SND1: variants seen among roughly 807,000 people sequenced by gnomAD.
SND1 encodes staphylococcal nuclease domain-containing protein 1.
In SND1, 38 loss-of-function variants were observed where a neutral mutation model predicts 121.7. The observed-to-expected ratio is 0.31, with a 90% CI of 0.24 to 0.41. The LOEUF is 0.41. Ranked by LOEUF, SND1 falls within the 10% of genes least tolerant of loss-of-function variation. The pLI, the probability that SND1 is intolerant of heterozygous loss-of-function variation, is 1.00. For missense variants in SND1, 868 were observed against 1,184.6 expected, an observed-to-expected ratio of 0.73 and a Z score of 3.92; for synonymous variants, 401 against 447.4, an observed-to-expected ratio of 0.90 and a Z score of 1.31.
At chr7:128,062,118 T>G (rs900866849) in intron 16 of SND1, among the ~76,000 whole-genome samples, 2 of 152,276 alleles carry the variant, frequency 1.3e-5, no homozygotes, top group Admixed American at 6.5e-5. Flanking sequence ...GACTTTTTTA[T>G]TCTGTGTCCG....
chr7:127,904,607 A>G, intron 13 of SND1, 140 bp from the exon 14 acceptor site: 2 of 577,710 alleles, frequency 3.5e-6, no homozygotes, highest in South Asian at 4.3e-5. Context: ...CAGACTGGCT[A>G]CTCAGCAGTG....
chr7:127,758,401 G>A (rs898302332), intron 10 of SND1, among the ~76,000 whole-genome samples: 1 of 152,170 alleles, frequency 6.6e-6, no homozygotes, highest in Admixed American at 6.5e-5. Flanking sequence ...AAGCGTATCT[G>A]TAGAAAGTCA....
At chr7:127,774,237 C>G (rs1797573388) in intron 10 of SND1, among the ~76,000 whole-genome samples, 1 of 152,136 alleles carries the variant, frequency 6.6e-6, no homozygotes, top group Non-Finnish European at 1.5e-5. Flanking sequence ...TATAAATGCT[C>G]TTGACCCTGT....
At chr7:127,800,861 A>G (rs1468430280) in intron 10 of SND1, among the ~76,000 whole-genome samples, 1 of 152,192 alleles carries the variant, frequency 6.6e-6, no homozygotes, top group Non-Finnish European at 1.5e-5. Flanking sequence ...TTTGCTGCTT[A>G]CATAGCTCTA....
At chr7:127,796,786 C>T (rs568655564) in intron 10 of SND1, among the ~76,000 whole-genome samples, 49 of 151,704 alleles carry the variant, frequency 3.2e-4, no homozygotes, top group Middle Eastern at 6.8e-3. Flanking sequence ...TGCCTTAATT[C>T]GTACTAATTA....
chr7:127,928,072 A>G (rs1413210090), intron 14 of SND1: 1 of 152,196 alleles, frequency 6.6e-6, no homozygotes, highest in Non-Finnish European at 1.5e-5. Context: ...TGAGAGACTG[A>G]AAGGATTTGA....
intron 11 of SND1, among the ~76,000 whole-genome samples, chr7:127,811,284 C>T (rs972894217): frequency 6.6e-6 from 1 of 152,122 alleles, no homozygotes; most frequent in East Asian, 1.9e-4. Context: ...ATCCAGATTG[C>T]CTTAGATTGT....
intron 1 of SND1, among the ~76,000 whole-genome samples, chr7:127,658,188 G>A (rs1265762982): frequency 3.3e-5 from 5 of 152,080 alleles, no homozygotes; most frequent in Admixed American, 6.6e-5. Flanking sequence ...GGTGGCGCGC[G>A]CCTGTAGTCC....
Position 128,092,123 on chromosome 7 carries a change from G to A in SND1, c.*65G>A. The A allele has an allele frequency of 1.3e-6, 2 of 1,524,684 alleles. No homozygotes were observed. Among genetic ancestry groups the A allele is most frequent in the Non-Finnish European group, 1.8e-6 (2 of 1,100,388 alleles). The allele number at this position is 1,524,684 out of a possible 1,614,324, so 94.4% of individuals were successfully genotyped here. Reference sequence around the variant, plus strand: ...GTCCCTCTTCCTCTGCCGGGAGGGTGTTTTCAACTCCAAACCCCAGAGAGG... The same window carrying A: ...GTCCCTCTTCCTCTGCCGGGAGGGTATTTTCAACTCCAAACCCCAGAGAGG... On this transcript the variant is annotated 3_prime_UTR_variant, in exon 24 of 24. Coordinates refer to ENST00000354725, the MANE Select transcript of SND1 (RefSeq NM_014390.4). This position sits in a 1 kb window ranked among gnomAD's most constrained non-coding sequence, Gnocchi z 4.9.
chr7:128,013,349 G>A (rs773088487), intron 16 of SND1, among the ~76,000 whole-genome samples: 5 of 152,150 alleles, frequency 3.3e-5, no homozygotes, highest in Admixed American at 6.5e-5. Context: ...CATCTCCATC[G>A]TTCCCCAGCA....
chr7:127,698,738 A>G, intron 3 of SND1, 137 bp from the exon 4 acceptor site: 1 of 683,092 alleles, frequency 1.5e-6, no homozygotes. Flanking sequence ...ACCCAATGCT[A>G]CATTGCTGCT....
At chr7:127,755,238 A>G (rs1364148960) in intron 10 of SND1, among the ~76,000 whole-genome samples, 2 of 152,186 alleles carry the variant, frequency 1.3e-5, no homozygotes, top group African/African-American at 4.8e-5. Context: ...GCCCAGGAGG[A>G]GAGTGACATC....
chr7:128,072,069 G>A (rs912760351), intron 16 of SND1, among the ~76,000 whole-genome samples: 1 of 152,234 alleles, frequency 6.6e-6, no homozygotes, highest in South Asian at 2.1e-4. Flanking sequence ...TCCTTCTCAT[G>A]TAAGCCCTGG....
At chr7:128,053,951 T>TAAAAG (rs1239665599) in intron 16 of SND1, among the ~76,000 whole-genome samples, 3 of 152,180 alleles carry the variant, frequency 2.0e-5, no homozygotes, top group African/African-American at 7.2e-5. Flanking sequence ...CGCTCTGCAA[T>TAAAAG]AAAAGAAAAT....
rs1348197955 is a variant in SND1 at position 128,084,916 on chromosome 7, G to C, written c.2234+69G>C. ...ATAGCAGGGCTGTCCTCAGGCCTCA[G>C]GTGTTGCCTTAGCAGTCTGGTTTCC... is the stretch of plus-strand genomic sequence containing the variant. On this transcript the variant is annotated intron_variant, in intron 19 of 23. Coordinates refer to ENST00000354725, the MANE Select transcript of SND1 (RefSeq NM_014390.4). 3 of 1,493,654 alleles carry C rather than the reference G, an allele frequency of 2.0e-6. No individual in the cohort carries two copies. The African/African-American group carries it at 4.2e-5, about 21-fold the overall frequency. 92.5% of individuals were successfully genotyped at this position (1,493,654 alleles called of 1,614,324 possible). A position where few individuals can be genotyped will look rare whatever the true frequency, so the allele number is the denominator to read the frequency against.
intron 11 of SND1, among the ~76,000 whole-genome samples, chr7:127,826,799 A>G (rs892141991): frequency 1.3e-5 from 2 of 152,232 alleles, no homozygotes; most frequent in Admixed American, 1.3e-4. Context: ...GATCAGCAAG[A>G]GGTATAGCTG....
chr7:127,844,412 C>T lies in SND1; in HGVS notation c.1331C>T (p.Thr444Ile), dbSNP rs767532684. Residue 444 changes from threonine to isoleucine, a missense_variant, in exon 12 of 24, where the codon ACC becomes ATC. By Grantham distance (89) the Thr-to-Ile change is moderately conservative. Coordinates refer to ENST00000354725, the MANE Select transcript of SND1 (RefSeq NM_014390.4). ...AFSERTCATV[T>I]IGGINIAEAL... ...TCAGAGCGTACCTGTGCCACTGTCA[C>T]CATTGGAGGAATGTGAGTGTTCTGG... The T allele has an allele frequency of 6.2e-7, 1 of 1,612,916 alleles. No individual in the cohort carries two copies. The highest frequency in any genetic ancestry group is 1.7e-5 in the Admixed American group (1 of 59,852).
Position 127,857,213 on chromosome 7 carries a change from G to A in SND1, c.1343+12789G>A, listed in dbSNP as rs1166360299. Among the ~76,000 whole-genome samples, 11 of 43,044 alleles carry A rather than the reference G, an allele frequency of 2.6e-4. No individual in the cohort carries two copies. The Admixed American group carries it at 3.8e-3, about 15-fold the overall frequency. The allele number at this position is 43,044 out of a possible 152,430, so 28.2% of individuals were successfully genotyped here. ...TTTTTTTTTTTTTTTTTTTTTTTGA[G>A]ATGGAGTCTCACTCTTCCGCCCAGG... On this transcript the variant is annotated intron_variant, in intron 12 of 23. Transcript: ENST00000354725.
chr7:127,737,238 G>A (rs191101000), intron 10 of SND1, among the ~76,000 whole-genome samples: 2 of 152,326 alleles, frequency 1.3e-5, no homozygotes, highest in Admixed American at 6.5e-5. Context: ...TCTACTGTGC[G>A]TGAAGTCTGA....
Sources: allele counts gnomAD v4.1 joint callset (sites outside exome capture counted in the v4.1 genomes callset), GRCh38; gene constraint gnomAD v4.1.1; non-coding constraint Gnocchi (gnomAD v3.1); transcripts MANE v1.5; gene names NCBI Gene and HGNC (gene_info 2026-07-23, HGNC 2026-07-21).